CHM: variants seen among roughly 807,000 people sequenced by gnomAD.
The protein encoded by CHM is rab proteins geranylgeranyltransferase component A 1.
Under a neutral mutation model 49.0 loss-of-function variants are expected in CHM, and 10 were observed. The observed-to-expected ratio is 0.20, with a 90% CI of 0.13 to 0.35. The LOEUF is 0.35. Ranked by LOEUF, CHM falls within the 10% of genes least tolerant of loss-of-function variation. The pLI, the probability that CHM is intolerant of heterozygous loss-of-function variation, is 1.00. For synonymous variants in CHM, 184 were observed against 167.5 expected (o/e 1.10, Z -0.76); for missense variants, 455 against 478.4 (o/e 0.95, Z 0.46).
At chrX:85,883,428 G>A (rs937585528) in intron 12 of CHM, among the ~76,000 whole-genome samples, 25 of 111,121 alleles carry the variant, frequency 2.2e-4, no homozygotes, top group African/African-American at 7.5e-4. Flanking sequence ...TTTCTCTATG[G>A]TAGCAAGTAA....
At chrX:85,935,152 G>C (rs1928707088) in intron 8 of CHM, among the ~76,000 whole-genome samples, 1 of 111,509 alleles carries the variant, frequency 9.0e-6, no homozygotes, top group African/African-American at 3.3e-5. Flanking sequence ...GGCAAAGAGG[G>C]AGTAGATGTG....
chrX:86,040,935 T>C (rs1934432457), intron 1 of CHM, among the ~76,000 whole-genome samples: 1 of 112,350 alleles, frequency 8.9e-6, no homozygotes, highest in South Asian at 3.6e-4. Flanking sequence ...CTTTTAAATA[T>C]ATTTATATAC....
In CHM at chrX:85,956,516, T is replaced by G. The variant is rs1569424920; in HGVS notation, c.941-138A>C. The G allele has an allele frequency of 3.5e-6, 3 of 846,598 alleles. No individual in the cohort carries two copies. In the African/African-American group the frequency reaches 6.2e-5, roughly 17 times the overall value. 69.8% of individuals were successfully genotyped at this position (846,598 alleles called of 1,213,427 possible). A position where few individuals can be genotyped will look rare whatever the true frequency, so the allele number is the denominator to read the frequency against. The stretch of plus-strand genomic sequence containing the variant: ...GTATTACATTTTGGACACTGATGGT[T>G]GATCTTAGGAAAAAATGGAAACAAT... On this transcript the variant is annotated intron_variant, in intron 7 of 14. Transcript: ENST00000357749.
intron 8 of CHM, among the ~76,000 whole-genome samples, chrX:85,949,728 C>G (rs1489655307): frequency 9.2e-6 from 1 of 108,443 alleles, no homozygotes; most frequent in East Asian, 2.9e-4. Context: ...ATAACGTTCC[C>G]ACCTAAAGTC....
intron 8 of CHM, among the ~76,000 whole-genome samples, chrX:85,922,157 G>A (rs1011275179): frequency 2.7e-5 from 3 of 111,657 alleles, no homozygotes; most frequent in African/African-American, 6.5e-5. Flanking sequence ...ATGTTTGTGG[G>A]TTACATACTT....
At chrX:85,951,635 G>A (rs965492197) in intron 8 of CHM, among the ~76,000 whole-genome samples, 2 of 111,580 alleles carry the variant, frequency 1.8e-5, no homozygotes, top group Non-Finnish European at 3.8e-5. Context: ...TAGACAAATG[G>A]GCAAAAGTCA....
At position 85,934,279 on chromosome X, in the gene CHM, CTTTTTTTTTTTTTT is replaced by C. The variant is rs769967072; in HGVS notation, c.1166+21860_1166+21873del. 4.9e-4 allele frequency among the ~76,000 whole-genome samples: 35 copies of C among 71,243 alleles called. 1 individual carries two copies. The highest frequency in any genetic ancestry group is 1.7e-3 in the African/African-American group (31 of 17,879). The allele number at this position is 71,243 out of a possible 115,157, so 61.9% of individuals were successfully genotyped here. A position where few individuals can be genotyped will look rare whatever the true frequency, so the allele number is the denominator to read the frequency against. On this transcript the variant is annotated intron_variant, in intron 8 of 14. Transcript: ENST00000357749. ...ACAGGCATGAGCCACTGCGCTCAGCCTTTTTTTTTTTTTTTTTTTTTTTTTTAGGGCACATGTGC... is the reference window on the plus strand; with the variant it reads ...ACAGGCATGAGCCACTGCGCTCAGCCTTTTTTTTTTTTAGGGCACATGTGC...
chrX:85,907,025 G>A (rs1001533520), intron 9 of CHM, among the ~76,000 whole-genome samples: 7 of 111,502 alleles, frequency 6.3e-5, no homozygotes, highest in African/African-American at 2.3e-4. Flanking sequence ...AGCTACTAGG[G>A]GGGCTGAGGC....
chrX:85,931,217 T>C (rs1032384678), intron 8 of CHM, among the ~76,000 whole-genome samples: 2 of 111,549 alleles, frequency 1.8e-5, no homozygotes, highest in Admixed American at 1.9e-4. Context: ...TGCATTATTT[T>C]CATAAGACAA....
chrX:85,914,001 T>C (rs888852981), intron 8 of CHM, among the ~76,000 whole-genome samples: 4 of 111,346 alleles, frequency 3.6e-5, no homozygotes, highest in Non-Finnish European at 7.5e-5. Flanking sequence ...ACACCAAAAC[T>C]TGTTCCTGGC....
Position 85,978,864 on chromosome X carries a change from G to A in CHM, c.217C>T (p.Pro73Ser), listed in dbSNP as rs775421659. ...TCAAGGATCTGGTCTTGCCACACTG[G>A]ACTGTCACTTACAATGTCACTGTTT... ...QENSDIVSDS[P>S]VWQDQILENE... Residue 73 changes from proline (P) to serine (S), a missense_variant, in exon 4 of 15, where the codon CCA becomes TCA. Coordinates refer to ENST00000357749, the MANE Select transcript of CHM (RefSeq NM_000390.4). 2.1e-5 allele frequency: 25 copies of A among 1,204,827 alleles called. No homozygotes were observed. The African/African-American group carries it at 2.3e-4, about 11-fold the overall frequency.
At position 85,893,339 on chromosome X, in the gene CHM, T is replaced by A. The variant is rs773920893; in HGVS notation, c.1510+849A>T. Among the ~76,000 whole-genome samples the A allele has an allele frequency of 3.6e-4, 40 of 111,785 alleles. No homozygotes were observed. In the East Asian group the frequency reaches 3.9e-3, roughly 11 times the overall value. ...GATATCTAATGCTGGAAACAAAAAA[T>A]TTGAAACAAATAAGTGAAAGAGCAG... is the stretch of plus-strand genomic sequence containing the variant. On this transcript the variant is annotated intron_variant, in intron 12 of 14. Coordinates refer to ENST00000357749, the MANE Select transcript of CHM (RefSeq NM_000390.4).
intron 1 of CHM, among the ~76,000 whole-genome samples, chrX:86,039,490 A>G (rs1425866934): frequency 9.6e-6 from 1 of 104,678 alleles, no homozygotes; most frequent in Admixed American, 1.0e-4. Flanking sequence ...TAATAACTCA[A>G]TGAGAACACT....
chrX:85,949,699 A>G (rs1929625359), intron 8 of CHM, among the ~76,000 whole-genome samples: 1 of 109,895 alleles, frequency 9.1e-6, no homozygotes, highest in African/African-American at 3.3e-5. Context: ...ATATTCGGAA[A>G]TAAGTGACTT....
intron 5 of CHM, among the ~76,000 whole-genome samples, chrX:85,961,469 T>C (rs947355641): frequency 1.0e-3 from 103 of 99,562 alleles, no homozygotes; most frequent in Non-Finnish European, 1.9e-3. Context: ...GGCTTTAAGA[T>C]AGATATTTGG....
rs1320409705 is a variant in CHM at position 85,877,030 on chromosome X, A to G, written c.1609+1935T>C. ...ATTAAGAAACTCAGGGTTTCTACACAAAGTATAGTTGTAGTTAAAGCCAAA... is the reference window on the plus strand; with the variant it reads ...ATTAAGAAACTCAGGGTTTCTACACGAAGTATAGTTGTAGTTAAAGCCAAA... On this transcript the variant is annotated intron_variant, in intron 13 of 14. Coordinates refer to ENST00000357749, the MANE Select transcript of CHM (RefSeq NM_000390.4). 2.7e-5 allele frequency among the ~76,000 whole-genome samples: 3 copies of G among 111,149 alleles called. No individual in the cohort carries two copies. The East Asian group carries it at 8.4e-4, about 31-fold the overall frequency.
intron 8 of CHM, among the ~76,000 whole-genome samples, chrX:85,913,332 A>AAAAAAAAGAAAGAAAGAAAG (rs762266365): frequency 4.3e-5 from 1 of 23,410 alleles, no homozygotes; most frequent in African/African-American, 1.4e-4. Flanking sequence ...AAAAAAAAAA[A>AAAAAAAAGAAAGAAAGAAAG]AAAGAAAGAA....
chrX:85,887,862 G>A (rs989429633), intron 12 of CHM, among the ~76,000 whole-genome samples: 2 of 111,416 alleles, frequency 1.8e-5, no homozygotes, highest in Non-Finnish European at 3.8e-5. Flanking sequence ...ATGATTTACG[G>A]TATCTGGTGG....
At chrX:86,046,581 T>C (rs907637730) in intron 1 of CHM, among the ~76,000 whole-genome samples, 7 of 112,027 alleles carry the variant, frequency 6.2e-5, no homozygotes, top group African/African-American at 2.3e-4. Flanking sequence ...TTCTCTGGCC[T>C]ACCACATTCT....
Sources: gnomAD v4.1 joint callset for allele counts (sites outside exome capture counted in the v4.1 genomes callset) on GRCh38, gnomAD v4.1.1 for gene constraint, MANE v1.5 for transcripts, NCBI Gene and HGNC (gene_info 2026-07-23, HGNC 2026-07-21) for gene names.